The following SLC4A10 variants were observed in gnomAD, a reference collection of about 807,000 sequenced individuals.
The protein encoded by SLC4A10 is sodium-driven chloride bicarbonate exchanger.
SLC4A10 carries 42 observed loss-of-function variants against 137.7 expected under a neutral mutation model. The ratio of observed to expected loss-of-function variants is 0.30; its 90% CI spans 0.24 to 0.39. The LOEUF (loss-of-function observed/expected upper bound fraction) is 0.39. Ranked by LOEUF, SLC4A10 falls within the 10% of genes least tolerant of loss-of-function variation. SLC4A10 has a pLI of 1.00. For synonymous variants in SLC4A10, 474 were observed against 464.1 expected, an observed-to-expected ratio of 1.02 and a Z score of -0.27; for missense variants, 925 against 1,355.0, an observed-to-expected ratio of 0.68 and a Z score of 4.98.
At chr2:161,699,557 G>A (rs1171572665) in intron 1 of SLC4A10, among the ~76,000 whole-genome samples, 2 of 152,154 alleles carry the variant, frequency 1.3e-5, no homozygotes, top group Non-Finnish European at 2.9e-5. Flanking sequence ...TAGGTGTGAT[G>A]GAGGAATATG....
chr2:161,823,546 A>C (rs2057793523), intron 3 of SLC4A10, among the ~76,000 whole-genome samples: 1 of 152,214 alleles, frequency 6.6e-6, no homozygotes, highest in African/African-American at 2.4e-5. Context: ...GAAGTGCCAC[A>C]GTGATGCTCG....
chr2:161,670,685 G>C (rs1200593031), intron 1 of SLC4A10, among the ~76,000 whole-genome samples: 1 of 151,816 alleles, frequency 6.6e-6, no homozygotes, highest in Non-Finnish European at 1.5e-5. Flanking sequence ...TTTATAGTTT[G>C]GTCCAACCCA....
chr2:161,966,150 A>C (rs1697535123), intron 23 of SLC4A10, among the ~76,000 whole-genome samples: 1 of 152,210 alleles, frequency 6.6e-6, no homozygotes, highest in Non-Finnish European at 1.5e-5. Context: ...TCAGGCCATA[A>C]ATCAAATGAG....
intron 15 of SLC4A10, 72 bp downstream of exon 15, chr2:161,905,959 G>C: frequency 6.7e-7 from 1 of 1,500,668 alleles, no homozygotes; most frequent in Non-Finnish European, 8.9e-7. Context: ...CAAGAAATAT[G>C]AGGAAATTAC....
intron 1 of SLC4A10, among the ~76,000 whole-genome samples, chr2:161,697,850 A>T (rs1187089436): frequency 6.6e-6 from 1 of 152,220 alleles, no homozygotes; most frequent in Non-Finnish European, 1.5e-5. Flanking sequence ...GAAGAAAGTC[A>T]TTGGTAGCTT....
At chr2:161,732,569 G>A (rs1022432390) in intron 1 of SLC4A10, among the ~76,000 whole-genome samples, 1 of 152,192 alleles carries the variant, frequency 6.6e-6, no homozygotes, top group African/African-American at 2.4e-5. Context: ...TATTTTATGA[G>A]TATGTCTCCC....
intron 15 of SLC4A10, among the ~76,000 whole-genome samples, chr2:161,912,003 A>G (rs1386949032): frequency 1.3e-5 from 2 of 152,114 alleles, no homozygotes; most frequent in African/African-American, 4.8e-5. Context: ...TTTTAATGAT[A>G]AAGTCTCGTT....
At chr2:161,880,261 T>C (rs1469421589) in intron 9 of SLC4A10, among the ~76,000 whole-genome samples, 4 of 152,178 alleles carry the variant, frequency 2.6e-5, no homozygotes. Flanking sequence ...ATTGAATACC[T>C]TAGCCAAGTT....
intron 2 of SLC4A10, among the ~76,000 whole-genome samples, chr2:161,787,906 T>C (rs2053804936): frequency 6.6e-6 from 1 of 152,190 alleles, no homozygotes; most frequent in South Asian, 2.1e-4. Context: ...TTATCAGTCA[T>C]TTTTTATTTT....
intron 5 of SLC4A10, among the ~76,000 whole-genome samples, chr2:161,856,358 A>AAAACAC (rs2060095631): frequency 7.1e-6 from 1 of 141,840 alleles, no homozygotes; most frequent in East Asian, 2.1e-4. Context: ...AAAATACTAA[A>AAAACAC]ACACACACAC....
intron 3 of SLC4A10, among the ~76,000 whole-genome samples, chr2:161,806,363 A>G (rs1015205085): frequency 2.0e-5 from 3 of 151,990 alleles, no homozygotes; most frequent in East Asian, 1.9e-4. Context: ...ACTTTTGTGA[A>G]TTTCTGCATT....
chr2:161,737,849 C>T (rs1227767160), intron 1 of SLC4A10, among the ~76,000 whole-genome samples: 1 of 151,896 alleles, frequency 6.6e-6, no homozygotes, highest in African/African-American at 2.4e-5. Flanking sequence ...TGATTTTTTC[C>T]CCACCTAAAC....
In SLC4A10 at chr2:161,919,493, G is replaced by C. The variant is rs899141625; in HGVS notation, c.1997+13606G>C. ...GGAGCCCATAAAAACCCCAGACTCAGCCAGAATCAGGCAGATGATGGGACC... is the reference window on the plus strand; with the variant it reads ...GGAGCCCATAAAAACCCCAGACTCACCCAGAATCAGGCAGATGATGGGACC... On this transcript the variant is annotated intron_variant, in intron 15 of 26. Coordinates refer to ENST00000446997, the MANE Select transcript of SLC4A10 (RefSeq NM_001178015.2). Among the ~76,000 whole-genome samples, 3 of 152,092 alleles carry C rather than the reference G, an allele frequency of 2.0e-5. No individual in the cohort carries two copies. The East Asian group carries it at 5.8e-4, about 29-fold the overall frequency.
At position 161,803,848 on chromosome 2, in the gene SLC4A10, T is replaced by C. The variant is rs193226800; in HGVS notation, c.131-601T>C. Among the ~76,000 whole-genome samples the C allele has an allele frequency of 1.1e-3, 170 of 152,230 alleles. 1 individual carries two copies. Among genetic ancestry groups the C allele is most frequent in the South Asian group, 2.9e-3 (14 of 4,822 alleles). On this transcript the variant is annotated intron_variant, in intron 2 of 26. Coordinates refer to ENST00000446997, the MANE Select transcript of SLC4A10 (RefSeq NM_001178015.2). ...CTATGATAAAATTTAATTTATAAATTAGGCACAGTAAGAGATTAACAGTAG... is the reference window on the plus strand; with the variant it reads ...CTATGATAAAATTTAATTTATAAATCAGGCACAGTAAGAGATTAACAGTAG...
chr2:161,870,909 T>C (rs1181496762), intron 6 of SLC4A10, among the ~76,000 whole-genome samples: 1 of 151,898 alleles, frequency 6.6e-6, no homozygotes, highest in Non-Finnish European at 1.5e-5. Context: ...TTAATGAAAG[T>C]AGTGAAATCC....
intron 23 of SLC4A10, among the ~76,000 whole-genome samples, chr2:161,969,675 T>C (rs1487019104): frequency 6.6e-6 from 1 of 152,162 alleles, no homozygotes; most frequent in Non-Finnish European, 1.5e-5. Context: ...CTTGATTTAC[T>C]GGGGCTTCAC....
intron 1 of SLC4A10, among the ~76,000 whole-genome samples, chr2:161,759,871 G>A (rs2050064947): frequency 6.6e-6 from 1 of 151,922 alleles, no homozygotes; most frequent in South Asian, 2.1e-4. Flanking sequence ...TTTCTTGAAT[G>A]ATAGCTTAGC....
At chr2:161,776,542 C>A (rs2052357012) in intron 2 of SLC4A10, among the ~76,000 whole-genome samples, 1 of 151,814 alleles carries the variant, frequency 6.6e-6, no homozygotes, top group Non-Finnish European at 1.5e-5. Context: ...TCAGAATTTT[C>A]TCCTTTTTTA....
At chr2:161,864,094 C>T (rs761378864) in intron 6 of SLC4A10, among the ~76,000 whole-genome samples, 6 of 151,704 alleles carry the variant, frequency 4.0e-5, no homozygotes, top group Non-Finnish European at 7.4e-5. Context: ...CCCAGCTACT[C>T]GGGAGACTGA....
Sources: gnomAD v4.1 joint callset for allele counts (sites outside exome capture counted in the v4.1 genomes callset) on GRCh38, gnomAD v4.1.1 for gene constraint, MANE v1.5 for transcripts, NCBI Gene and HGNC (gene_info 2026-07-23, HGNC 2026-07-21) for gene names.